Variants in LRRTM4 observed in about 807,000 individuals in gnomAD.
LRRTM4 encodes the protein leucine-rich repeat transmembrane neuronal protein 4.
In LRRTM4, 25 loss-of-function variants were observed where a neutral mutation model predicts 47.6. The ratio of observed to expected loss-of-function variants is 0.53; its 90% CI spans 0.38 to 0.73. The LOEUF is 0.73. Ranked by LOEUF, LRRTM4 falls within the 30% of genes least tolerant of loss-of-function variation. LRRTM4 has a pLI of 0.00. For synonymous variants in LRRTM4, 311 were observed against 269.5 expected (o/e 1.15, Z -1.51); for missense variants, 638 against 713.4 (o/e 0.89, Z 1.20).
rs1679374874 is a variant in LRRTM4 at position 77,519,256 on chromosome 2, A to T, written c.613T>A (p.Leu205Met). ...SLSRNAFAGL[L>M]KLKELHLEHN... is the part of the protein sequence containing the mutation. ...TCCAGGTGGAGCTCCTTTAACTTCA[A>T]GAGGCCAGCAAATGCATTTCGGGAC... is the stretch of plus-strand genomic sequence containing the variant. The change falls in exon 3 of 4, where the codon TTG becomes ATG. Residue 205 changes from leucine to methionine, a missense_variant. Physicochemically the swap from Leu to Met is conservative, Grantham distance 15. Transcript: ENST00000409884. The surrounding 1 kb of genome is among the most constrained non-coding windows in gnomAD (Gnocchi z 4.6). 5 of 1,613,420 alleles carry T rather than the reference A, an allele frequency of 3.1e-6. No individual in the cohort carries two copies. Among genetic ancestry groups the T allele is most frequent in the Non-Finnish European group, 4.2e-6 (5 of 1,179,598 alleles).
At chr2:77,315,240 A>C (rs1416846903) in intron 3 of LRRTM4, among the ~76,000 whole-genome samples, 1 of 152,216 alleles carries the variant, frequency 6.6e-6, no homozygotes, top group Non-Finnish European at 1.5e-5. Context: ...ACACCAATCT[A>C]TGTGAACTAG....
intron 3 of LRRTM4, among the ~76,000 whole-genome samples, chr2:77,346,647 A>G (rs2104287393): frequency 6.6e-6 from 1 of 152,252 alleles, no homozygotes; most frequent in East Asian, 1.9e-4. Context: ...GAAAATAATC[A>G]TGGATATAGA....
intron 3 of LRRTM4, among the ~76,000 whole-genome samples, chr2:76,971,589 T>C (rs981112272): frequency 9.9e-5 from 15 of 151,942 alleles, no homozygotes; most frequent in Non-Finnish European, 1.3e-4. Flanking sequence ...AAGGAAGAAA[T>C]ATATATCTGG....
At chr2:76,867,318 T>C (rs1334680871) in intron 3 of LRRTM4, among the ~76,000 whole-genome samples, 2 of 152,188 alleles carry the variant, frequency 1.3e-5, no homozygotes, top group Non-Finnish European at 2.9e-5. Flanking sequence ...TCTTTGAGGC[T>C]TTACAACAAA....
At chr2:77,418,430 A>C (rs1395872936) in intron 3 of LRRTM4, among the ~76,000 whole-genome samples, 2 of 152,188 alleles carry the variant, frequency 1.3e-5, no homozygotes, top group Non-Finnish European at 2.9e-5. Context: ...AAATTATTAC[A>C]TGGTGCTCCA....
intron 3 of LRRTM4, among the ~76,000 whole-genome samples, chr2:77,016,499 T>C (rs1678076498): frequency 2.6e-5 from 4 of 152,180 alleles, no homozygotes; most frequent in Admixed American, 2.6e-4. Context: ...AGCTGAGATT[T>C]TCCATATGGT....
chr2:77,468,151 T>C (rs536310074), intron 3 of LRRTM4, among the ~76,000 whole-genome samples: 10 of 152,300 alleles, frequency 6.6e-5, no homozygotes, highest in Admixed American at 6.5e-4. Flanking sequence ...CATTACTTTT[T>C]CTCAAAAAAA....
chr2:77,021,350 C>G (rs1378366151), intron 3 of LRRTM4, among the ~76,000 whole-genome samples: 2 of 152,030 alleles, frequency 1.3e-5, no homozygotes, highest in African/African-American at 4.8e-5. Flanking sequence ...AGTGGAGTCA[C>G]AGAACACACC....
intron 3 of LRRTM4, among the ~76,000 whole-genome samples, chr2:77,033,860 G>A (rs1262153424): frequency 2.0e-5 from 3 of 151,774 alleles, no homozygotes; most frequent in Non-Finnish European, 2.9e-5. Flanking sequence ...TTACTTAAAT[G>A]TTAAATAAAG....
At chr2:77,068,702 TGTTA>T (rs1680044088) in intron 3 of LRRTM4, among the ~76,000 whole-genome samples, 1 of 152,250 alleles carries the variant, frequency 6.6e-6, no homozygotes, top group Non-Finnish European at 1.5e-5. Context: ...TTTTGAAAGC[TGTTA>T]TTCAGTTGAT....
Position 76,799,908 on chromosome 2 carries a change from CCTCTTCAAGGAGAACTACAAACCACTG to C in LRRTM4, c.1552-51019_1552-50993del, listed in dbSNP as rs1272553697. 3.3e-5 allele frequency among the ~76,000 whole-genome samples: 5 copies of C among 150,332 alleles called. No homozygotes were observed. In the South Asian group the frequency reaches 1.1e-3, roughly 32 times the overall value. ...TCCAACTTACAAGGGATGAGAAGGACCTCTTCAAGGAGAACTACAAACCACTGCTCAAGGAAATAAAAGAGGATACAA... is the reference window on the plus strand; with the variant it reads ...TCCAACTTACAAGGGATGAGAAGGACCTCAAGGAAATAAAAGAGGATACAA... On this transcript the variant is annotated intron_variant, in intron 3 of 3. Coordinates refer to ENST00000409884, the MANE Select transcript of LRRTM4 (RefSeq NM_001134745.3).
intron 3 of LRRTM4, among the ~76,000 whole-genome samples, chr2:76,934,555 A>G (rs115393016): frequency 0.014 from 2,120 of 152,294 alleles, 121 homozygotes; most frequent in Admixed American, 0.1. Context: ...AAAAAAATTT[A>G]AAAAGCCCTG....
intron 3 of LRRTM4, among the ~76,000 whole-genome samples, chr2:77,065,115 C>A (rs1020946992): frequency 1.3e-5 from 2 of 152,116 alleles, no homozygotes; most frequent in Middle Eastern, 3.2e-3. Flanking sequence ...TTATGATGGG[C>A]AATTCATAAG....
At chr2:76,973,077 T>C (rs1476445972) in intron 3 of LRRTM4, among the ~76,000 whole-genome samples, 4 of 152,040 alleles carry the variant, frequency 2.6e-5, no homozygotes, top group Non-Finnish European at 5.9e-5. Flanking sequence ...TTTTGACTTG[T>C]TGAGGAAAAT....
chr2:77,141,729 G>T (rs1558602008), intron 3 of LRRTM4, among the ~76,000 whole-genome samples: 1 of 152,094 alleles, frequency 6.6e-6, no homozygotes, highest in Non-Finnish European at 1.5e-5. Flanking sequence ...CATGACATTT[G>T]TTACTGGCTC....
intron 3 of LRRTM4, among the ~76,000 whole-genome samples, chr2:76,757,163 C>T (rs926591993): frequency 2.0e-5 from 3 of 152,044 alleles, no homozygotes; most frequent in African/African-American, 7.2e-5. Context: ...CAATACTCAA[C>T]ACACTAGATG....
At chr2:76,812,700 C>CTTTCTTTCTTTCTTTCT (rs1553413502) in intron 3 of LRRTM4, among the ~76,000 whole-genome samples, 66 of 135,418 alleles carry the variant, frequency 4.9e-4, no homozygotes, top group Non-Finnish European at 8.2e-4. Flanking sequence ...TCTTTCTTTT[C>CTTTCTTTCTTTCTTTCT]TTTCTTTATT....
At chr2:77,298,174 C>T (rs1677024489) in intron 3 of LRRTM4, among the ~76,000 whole-genome samples, 1 of 152,194 alleles carries the variant, frequency 6.6e-6, no homozygotes, top group Non-Finnish European at 1.5e-5. Context: ...CGAATACATT[C>T]TAATAAAGTC....
intron 3 of LRRTM4, among the ~76,000 whole-genome samples, chr2:77,192,892 T>C (rs909734847): frequency 2.0e-5 from 3 of 152,186 alleles, no homozygotes; most frequent in Non-Finnish European, 4.4e-5. Flanking sequence ...AAGCCGTGCA[T>C]GGAAAAGAGA....
Sources: gnomAD v4.1 joint callset for allele counts (sites outside exome capture counted in the v4.1 genomes callset) on GRCh38, gnomAD v4.1.1 for gene constraint, Gnocchi (gnomAD v3.1) non-coding constraint, MANE v1.5 for transcripts, NCBI Gene and HGNC (gene_info 2026-07-23, HGNC 2026-07-21) for gene names.